The following CPT1A variants were observed in gnomAD, a reference collection of about 807,000 sequenced individuals.
The protein encoded by CPT1A is carnitine O-palmitoyltransferase 1, liver isoform.
Under a neutral mutation model 100.8 loss-of-function variants are expected in CPT1A, and 64 were observed. The ratio of observed to expected loss-of-function variants is 0.63; its 90% CI spans 0.52 to 0.78. The LOEUF is 0.78. Among genes scored for constraint, CPT1A ranks in the 30% least tolerant of loss-of-function variants. The pLI is 0.00. For missense variants in CPT1A, 802 were observed against 1,034.1 expected, an observed-to-expected ratio of 0.78 and a Z score of 3.08; for synonymous variants, 363 against 396.0, an observed-to-expected ratio of 0.92 and a Z score of 0.99.
At position 68,812,837 on chromosome 11, in the gene CPT1A, G is replaced by A. The variant is rs537692346; in HGVS notation, c.142-261C>T. ...AAGCTTCCCCAAGAGTCGACGCCCC[G>A]GGCCATGATAATCAGCCCAGGCACT... On this transcript the variant is annotated intron_variant, in intron 2 of 18. Transcript: ENST00000265641. Among the ~76,000 whole-genome samples, 10 of 152,136 alleles carry A rather than the reference G, an allele frequency of 6.6e-5. No individual in the cohort carries two copies. The East Asian group carries it at 1.2e-3, about 18-fold the overall frequency.
In CPT1A at chr11:68,841,809, C is replaced by T; in HGVS notation, c.-48G>A. On this transcript the variant is annotated 5_prime_UTR_variant, in exon 1 of 19. Transcript: ENST00000265641. This position sits in a 1 kb window ranked among gnomAD's most constrained non-coding sequence, Gnocchi z 6.3. ...TACGGAGGTGCGGCAGCGGCAGCGGCAGCGGCGGCGGCGGCGGCGGCGGTG... is the reference window on the plus strand; with the variant it reads ...TACGGAGGTGCGGCAGCGGCAGCGGTAGCGGCGGCGGCGGCGGCGGCGGTG... 1 of 996,218 alleles carries T rather than the reference C, an allele frequency of 1.0e-6. No individual in the cohort carries two copies. Among genetic ancestry groups the T allele is most frequent in the Non-Finnish European group, 1.2e-6 (1 of 838,928 alleles). The allele number at this position is 996,218 out of a possible 1,614,324, so 61.7% of individuals were successfully genotyped here.
In CPT1A at chr11:68,757,286, G is replaced by A; in HGVS notation, c.*358C>T. On this transcript the variant is annotated 3_prime_UTR_variant, in exon 19 of 19. Coordinates refer to ENST00000265641, the MANE Select transcript of CPT1A (RefSeq NM_001876.4). ...AATGCCCTTAAGCACTAGGCCTTCG[G>A]TTGCCACTGAGAAAGCACACCATTT... The A allele has an allele frequency of 5.2e-6, 6 of 1,164,024 alleles. No individual in the cohort carries two copies. In the South Asian group the frequency reaches 1.2e-4, roughly 24 times the overall value. 72.1% of individuals were successfully genotyped at this position (1,164,024 alleles called of 1,614,324 possible).
rs1302108722 is a variant in CPT1A, at chr11:68,841,533, C to T, written c.-14+242G>A. Among the ~76,000 whole-genome samples the T allele has an allele frequency of 3.3e-5, 5 of 152,166 alleles. No individual in the cohort carries two copies. Among genetic ancestry groups the T allele is most frequent in the African/African-American group, 9.7e-5 (4 of 41,446 alleles). Reference sequence around the variant, plus strand: ...GGACCCGCCTGCGGATGGACCGACCCCCGGTGGACCCTCAGACCCAATCCC... The same window carrying T: ...GGACCCGCCTGCGGATGGACCGACCTCCGGTGGACCCTCAGACCCAATCCC... On this transcript the variant is annotated intron_variant, in intron 1 of 18. Transcript: ENST00000265641. This position sits in a 1 kb window ranked among gnomAD's most constrained non-coding sequence, Gnocchi z 6.3.
chr11:68,828,258 C>T (rs74443449), intron 1 of CPT1A, among the ~76,000 whole-genome samples: 2,584 of 152,332 alleles, frequency 0.017, 83 homozygotes, highest in African/African-American at 0.059. Context: ...AGTGCCCTGC[C>T]CACCTCGCCA....
At chr11:68,771,308 T>C (rs1566347610) in intron 14 of CPT1A, among the ~76,000 whole-genome samples, 2 of 152,050 alleles carry the variant, frequency 1.3e-5, no homozygotes, top group South Asian at 4.1e-4. Flanking sequence ...CTTACTAAAC[T>C]CCTAAGTCCT....
chr11:68,830,088 C>T (rs1050685751), intron 1 of CPT1A, among the ~76,000 whole-genome samples: 2 of 152,198 alleles, frequency 1.3e-5, no homozygotes, highest in East Asian at 3.9e-4. Context: ...ACCAGCCTGG[C>T]CAACGTGGCA....
Position 68,757,294 on chromosome 11 carries a change from T to A in CPT1A, c.*350A>T. 8.5e-7 allele frequency: 1 copy of A among 1,174,294 alleles called. No homozygotes were observed. Among genetic ancestry groups the A allele is most frequent in the Non-Finnish European group, 1.1e-6 (1 of 942,108 alleles). 72.7% of individuals were successfully genotyped at this position (1,174,294 alleles called of 1,614,324 possible). ...TAAGCACTAGGCCTTCGGTTGCCAC[T>A]GAGAAAGCACACCATTTCCATTCCA... On this transcript the variant is annotated 3_prime_UTR_variant, in exon 19 of 19. Coordinates refer to ENST00000265641, the MANE Select transcript of CPT1A (RefSeq NM_001876.4).
chr11:68,786,087 G>A lies in CPT1A; in HGVS notation c.968-1077C>T, dbSNP rs1361951003. 1.6e-5 allele frequency: 11 copies of A among 701,814 alleles called. No individual in the cohort carries two copies. The Middle Eastern group carries it at 6.8e-4, about 44-fold the overall frequency. 43.5% of individuals were successfully genotyped at this position (701,814 alleles called of 1,614,324 possible). A position where few individuals can be genotyped will look rare whatever the true frequency, so the allele number is the denominator to read the frequency against. ...GATTAAAAATAGGACAAGCTACCAG[G>A]AGCAGTGGCTCACCCTGTATTCCCA... is the stretch of plus-strand genomic sequence containing the variant. On this transcript the variant is annotated intron_variant, in intron 9 of 18. Transcript: ENST00000265641.
intron 14 of CPT1A, among the ~76,000 whole-genome samples, chr11:68,766,943 A>C (rs1405222134): frequency 1.3e-5 from 2 of 152,202 alleles, no homozygotes; most frequent in African/African-American, 4.8e-5. Flanking sequence ...ACTTCTGTAA[A>C]ATGCAGAACA....
In CPT1A at chr11:68,839,444, C is replaced by T. The variant is rs937866602; in HGVS notation, c.-14+2331G>A. The stretch of plus-strand genomic sequence containing the variant: ...GCCCCGCCCCCAGGCTGGCGCGTCC[C>T]AGGCGCTCGGATCCTGTTCCACCCG... On this transcript the variant is annotated intron_variant, in intron 1 of 18. Coordinates refer to ENST00000265641, the MANE Select transcript of CPT1A (RefSeq NM_001876.4). The T allele has an allele frequency of 1.2e-5, 11 of 932,066 alleles. No homozygotes were observed. The East Asian group carries it at 1.2e-3, about 99-fold the overall frequency. The allele number at this position is 932,066 out of a possible 1,614,324, so 57.7% of individuals were successfully genotyped here.
chr11:68,837,753 C>T (rs956681942), intron 1 of CPT1A, among the ~76,000 whole-genome samples: 3 of 151,984 alleles, frequency 2.0e-5, no homozygotes, highest in Admixed American at 1.3e-4. Flanking sequence ...GTGGGAGGAT[C>T]GCTTGAGGCC....
chr11:68,829,821 CG>C (rs1199399262), intron 1 of CPT1A, among the ~76,000 whole-genome samples: 1 of 151,854 alleles, frequency 6.6e-6, no homozygotes, highest in Non-Finnish European at 1.5e-5. Flanking sequence ...GGCAACACCC[CG>C]GCGGCCTCCA....
At chr11:68,786,903 A>C (rs550826848) in intron 9 of CPT1A, among the ~76,000 whole-genome samples, 1 of 152,322 alleles carries the variant, frequency 6.6e-6, no homozygotes, top group South Asian at 2.1e-4. Context: ...AAGGGTTCCT[A>C]CCAGAAACTT....
chr11:68,783,145 C>A (rs2924680), intron 10 of CPT1A, among the ~76,000 whole-genome samples: 1 of 152,102 alleles, frequency 6.6e-6, no homozygotes, highest in Non-Finnish European at 1.5e-5. Context: ...TCCTCCATCC[C>A]GCTCCTGCTC....
intron 14 of CPT1A, among the ~76,000 whole-genome samples, chr11:68,769,936 C>G (rs1854938238): frequency 6.6e-6 from 1 of 152,050 alleles, no homozygotes; most frequent in Non-Finnish European, 1.5e-5. Flanking sequence ...GTAGTTTCAG[C>G]TACTCGAGGG....
chr11:68,759,983 T>C (rs1946772254), intron 17 of CPT1A, among the ~76,000 whole-genome samples: 1 of 152,030 alleles, frequency 6.6e-6, no homozygotes, highest in South Asian at 2.1e-4. Flanking sequence ...CAGGCTGCCA[T>C]GAGCCATGAT....
intron 1 of CPT1A, among the ~76,000 whole-genome samples, chr11:68,817,100 GGTGTGT>G (rs568161603): frequency 6.9e-5 from 9 of 130,098 alleles, no homozygotes; most frequent in African/African-American, 2.9e-4. Flanking sequence ...GTGTGTGTGT[GGTGTGT>G]GTGTGTGGGT....
intron 1 of CPT1A, among the ~76,000 whole-genome samples, chr11:68,828,485 G>C (rs1856796595): frequency 6.6e-6 from 1 of 152,176 alleles, no homozygotes; most frequent in Non-Finnish European, 1.5e-5. Context: ...TCGAGGGCAG[G>C]AGGCCAGGGC....
intron 9 of CPT1A, among the ~76,000 whole-genome samples, chr11:68,789,577 C>A (rs1352592114): frequency 6.6e-6 from 1 of 151,906 alleles, no homozygotes; most frequent in Non-Finnish European, 1.5e-5. Flanking sequence ...TTGTGGGTTT[C>A]TTTTAGTAGA....
Sources: allele counts gnomAD v4.1 joint callset (sites outside exome capture counted in the v4.1 genomes callset), GRCh38; gene constraint gnomAD v4.1.1; non-coding constraint Gnocchi (gnomAD v3.1); transcripts MANE v1.5; gene names NCBI Gene and HGNC (gene_info 2026-07-23, HGNC 2026-07-21).